Variants in FILIP1L observed in about 807,000 individuals in gnomAD.
FILIP1L encodes filamin A-interacting protein 1-like.
A neutral mutation model predicts 96.6 loss-of-function variants in FILIP1L; 55 were observed. That is an observed-to-expected ratio of 0.57 (90% CI 0.46 to 0.71). FILIP1L has a LOEUF of 0.71. FILIP1L is among the 30% of genes least tolerant of loss of function. The pLI is 0.00. For synonymous variants in FILIP1L, 467 were observed against 473.9 expected, an observed-to-expected ratio of 0.99 and a Z score of 0.19; for missense variants, 1,304 against 1,321.2, an observed-to-expected ratio of 0.99 and a Z score of 0.20.
At chr3:100,106,642 C>G (rs1271416304) in intron 1 of FILIP1L, among the ~76,000 whole-genome samples, 1 of 152,140 alleles carries the variant, frequency 6.6e-6, no homozygotes, top group East Asian at 1.9e-4. Flanking sequence ...GCTGTAGGAT[C>G]CAGAAGCATA....
intron 1 of FILIP1L, among the ~76,000 whole-genome samples, chr3:99,943,190 A>G (rs1008301559): frequency 3.7e-4 from 56 of 152,332 alleles, no homozygotes; most frequent in African/African-American, 1.3e-3. Context: ...TCTAGTGGTC[A>G]GCTCATGCCT....
chr3:99,849,284 T>C lies in FILIP1L; in HGVS notation c.2392A>G (p.Lys798Glu). ...RRISDPQVFSKEVQTEAVDNE... is the reference protein window; with the variant it reads ...RRISDPQVFSEEVQTEAVDNE... ...TCTACTGCTTCTGTCTGAACTTCTT[T>C]AGAAAATACTTGAGGATCGGAAATT... The change falls in exon 5 of 6, where the codon AAA (lysine) becomes GAA (glutamate). Residue 798 changes from lysine to glutamate, a missense_variant. Physicochemically the swap from Lys to Glu is moderately conservative, Grantham distance 56. Coordinates refer to ENST00000477258, the MANE Select transcript of FILIP1L (RefSeq NM_001387850.1). 6.2e-7 allele frequency: 1 copy of C among 1,614,198 alleles called. No individual in the cohort carries two copies. The highest frequency in any genetic ancestry group is 8.5e-7 in the Non-Finnish European group (1 of 1,180,022).
intron 1 of FILIP1L, among the ~76,000 whole-genome samples, chr3:99,943,373 C>T (rs377083813): frequency 5.2e-4 from 79 of 152,144 alleles, no homozygotes; most frequent in Non-Finnish European, 6.2e-4. Context: ...TTAATAACTC[C>T]GGGCTTTTAT....
chr3:99,965,251 G>A (rs548716600), intron 1 of FILIP1L, among the ~76,000 whole-genome samples: 7 of 152,248 alleles, frequency 4.6e-5, no homozygotes, highest in South Asian at 2.1e-4. Flanking sequence ...GAGTCCAAGT[G>A]GTTTATGACT....
At chr3:100,015,236 T>C (rs972927936) in intron 1 of FILIP1L, among the ~76,000 whole-genome samples, 2 of 152,182 alleles carry the variant, frequency 1.3e-5, no homozygotes, top group Non-Finnish European at 2.9e-5. Flanking sequence ...CTCTCTGTTA[T>C]GTTCCCTTGG....
intron 1 of FILIP1L, among the ~76,000 whole-genome samples, chr3:99,954,335 C>T (rs1177893983): frequency 6.6e-6 from 1 of 152,186 alleles, no homozygotes; most frequent in Admixed American, 6.5e-5. Flanking sequence ...ATGCTAGACA[C>T]ACTTTGGGCC....
intron 1 of FILIP1L, among the ~76,000 whole-genome samples, chr3:100,097,916 C>CT (rs1284263302): frequency 1.3e-5 from 2 of 152,142 alleles, no homozygotes; most frequent in African/African-American, 2.4e-5. Flanking sequence ...AGTAGAAACT[C>CT]TTATCATTTA....
chr3:99,983,389 AATATATATAT>A (rs397990626), intron 1 of FILIP1L, among the ~76,000 whole-genome samples: 8 of 40,788 alleles, frequency 2.0e-4, no homozygotes, highest in East Asian at 8.2e-4. Context: ...TAAATAAATA[AATATATATAT>A]ATATATATAT....
intron 1 of FILIP1L, among the ~76,000 whole-genome samples, chr3:100,033,808 T>A (rs983183538): frequency 1.3e-5 from 2 of 152,212 alleles, no homozygotes; most frequent in Non-Finnish European, 2.9e-5. Context: ...TTTTTAGGAT[T>A]TAGAGGTCAA....
chr3:100,014,874 CT>C lies in FILIP1L; in HGVS notation c.-10-83845del, dbSNP rs200759774. Among the ~76,000 whole-genome samples the C allele has an allele frequency of 9.3e-3, 262 of 28,186 alleles. 2 individuals are homozygous for C. Among genetic ancestry groups the C allele is most frequent in the African/African-American group, 0.024 (161 of 6,718 alleles). 18.5% of individuals were successfully genotyped at this position (28,186 alleles called of 152,430 possible). ...GCAACACCATTTGTCTTTTTCTTTT[CT>C]TTTTTTTTTTTCTTTCTTTCTTTTT... On this transcript the variant is annotated intron_variant, in intron 1 of 5. Transcript: ENST00000477258.
chr3:100,023,039 G>A lies in FILIP1L; in HGVS notation c.-11+91014C>T, dbSNP rs1313703772. Among the ~76,000 whole-genome samples, 4 of 152,120 alleles carry A rather than the reference G, an allele frequency of 2.6e-5. No homozygotes were observed. In the South Asian group the frequency reaches 6.2e-4, roughly 24 times the overall value. ...AGCCACACCTCTCCATGAGTTTCAG[G>A]TGTTTTAACCATTTAGGAAAAAGAG... On this transcript the variant is annotated intron_variant, in intron 1 of 5. Transcript: ENST00000477258.
intron 1 of FILIP1L, among the ~76,000 whole-genome samples, chr3:100,071,800 C>T (rs2065768168): frequency 6.6e-6 from 1 of 152,188 alleles, no homozygotes; most frequent in Non-Finnish European, 1.5e-5. Flanking sequence ...CTGCCCTGGT[C>T]CCTTTTCCTG....
At chr3:100,000,000 A>C (rs1469272243) in intron 1 of FILIP1L, among the ~76,000 whole-genome samples, 1 of 151,650 alleles carries the variant, frequency 6.6e-6, no homozygotes, top group Non-Finnish European at 1.5e-5. Flanking sequence ...ACAAAAAGAA[A>C]AGAAATACCA....
At chr3:100,037,451 GACACACACAC>G (rs66489523) in intron 1 of FILIP1L, among the ~76,000 whole-genome samples, 5 of 151,308 alleles carry the variant, frequency 3.3e-5, no homozygotes, top group African/African-American at 1.2e-4. Flanking sequence ...AAAGCAAACA[GACACACACAC>G]ACACACGCAC....
intron 1 of FILIP1L, among the ~76,000 whole-genome samples, chr3:99,983,169 A>G (rs1236432868): frequency 6.6e-6 from 1 of 151,752 alleles, no homozygotes; most frequent in Non-Finnish European, 1.5e-5. Context: ...AAAATTTCTC[A>G]GGGATATTGT....
At chr3:99,879,974 G>A (rs547761198) in intron 4 of FILIP1L, among the ~76,000 whole-genome samples, 1 of 152,054 alleles carries the variant, frequency 6.6e-6, no homozygotes, top group African/African-American at 2.4e-5. Context: ...TGCACCCCAC[G>A]CTACCTTCTA....
intron 1 of FILIP1L, 58 bp from the exon 2 acceptor site, chr3:99,931,088 AC>A: frequency 1.4e-6 from 2 of 1,387,734 alleles, no homozygotes; most frequent in East Asian, 4.6e-5. Flanking sequence ...TAATAAGAGT[AC>A]CTATTACTGC....
chr3:99,868,401 C>T (rs145525294), intron 4 of FILIP1L, among the ~76,000 whole-genome samples: 5 of 152,292 alleles, frequency 3.3e-5, no homozygotes, highest in African/African-American at 1.2e-4. Context: ...CAAAGGACCT[C>T]CTCTTTGGCC....
intron 1 of FILIP1L, among the ~76,000 whole-genome samples, chr3:99,950,873 GAA>G (rs1276914888): frequency 2.6e-5 from 4 of 152,156 alleles, no homozygotes; most frequent in Non-Finnish European, 5.9e-5. Context: ...GAGAGAGAAA[GAA>G]AGAGAGAAAA....
Sources: gnomAD v4.1 joint callset for allele counts (sites outside exome capture counted in the v4.1 genomes callset) on GRCh38, gnomAD v4.1.1 for gene constraint, MANE v1.5 for transcripts, NCBI Gene and HGNC (gene_info 2026-07-23, HGNC 2026-07-21) for gene names.